CAMKMT: variants seen among roughly 807,000 people sequenced by gnomAD.
The protein encoded by CAMKMT is calmodulin-lysine N-methyltransferase, also known as CaM KMT.
A neutral mutation model predicts 48.0 loss-of-function variants in CAMKMT; 53 were observed. The ratio of observed to expected loss-of-function variants is 1.10; its 90% confidence interval spans 0.89 to 1.39. The LOEUF (loss-of-function observed/expected upper bound fraction) is 1.39. Among genes scored for constraint, CAMKMT ranks in the 40% most tolerant of loss-of-function variants. The probability of loss-of-function intolerance (pLI) is 0.00; values close to 1 mark genes in which losing one functional copy is unlikely to be tolerated. For synonymous variants in CAMKMT, 165 were observed against 152.3 expected (o/e 1.08, Z -0.61); for missense variants, 428 against 402.7 (o/e 1.06, Z -0.54).
At chr2:44,617,969 C>A (rs1054897642) in intron 3 of CAMKMT, among the ~76,000 whole-genome samples, 4 of 152,178 alleles carry the variant, frequency 2.6e-5, no homozygotes, top group Non-Finnish European at 5.9e-5. Context: ...CAGAAGCATA[C>A]AACTATCAAA....
At chr2:44,420,870 G>A (rs1280930598) in intron 3 of CAMKMT, among the ~76,000 whole-genome samples, 1 of 151,226 alleles carries the variant, frequency 6.6e-6, no homozygotes, top group Non-Finnish European at 1.5e-5. Flanking sequence ...AATTGTCTAA[G>A]GGATTAACTG....
At chr2:44,445,602 A>T (rs1666933452) in intron 3 of CAMKMT, among the ~76,000 whole-genome samples, 1 of 143,820 alleles carries the variant, frequency 7.0e-6, no homozygotes, top group Non-Finnish European at 1.5e-5. Context: ...TGGTTGGCTT[A>T]GGACTGGGCT....
intron 7 of CAMKMT, among the ~76,000 whole-genome samples, chr2:44,726,341 A>G (rs998963607): frequency 5.3e-5 from 8 of 152,168 alleles, no homozygotes; most frequent in Non-Finnish European, 7.3e-5. Context: ...GTGAGGTGCT[A>G]TCTCACTGTG....
chr2:44,703,906 A>C (rs566805306), intron 3 of CAMKMT, among the ~76,000 whole-genome samples: 103 of 152,204 alleles, frequency 6.8e-4, no homozygotes, highest in Middle Eastern at 6.8e-3. Flanking sequence ...TTTTTGCCTA[A>C]TATGGGCTGC....
At chr2:44,483,192 G>T (rs1237015579) in intron 3 of CAMKMT, among the ~76,000 whole-genome samples, 1 of 152,170 alleles carries the variant, frequency 6.6e-6, no homozygotes, top group Non-Finnish European at 1.5e-5. Context: ...CCCTCAGTCA[G>T]TGTGGGGAGA....
At chr2:44,756,422 C>G (rs1477779132) in intron 9 of CAMKMT, among the ~76,000 whole-genome samples, 1 of 152,068 alleles carries the variant, frequency 6.6e-6, no homozygotes, top group Non-Finnish European at 1.5e-5. Flanking sequence ...GGTTTTGTGG[C>G]CCAGAGGCTG....
At chr2:44,437,360 C>T (rs1371793215) in intron 3 of CAMKMT, among the ~76,000 whole-genome samples, 1 of 152,168 alleles carries the variant, frequency 6.6e-6, no homozygotes, top group Non-Finnish European at 1.5e-5. Flanking sequence ...CTGCTTCAAT[C>T]CCTTTGCTTA....
chr2:44,488,522 A>G (rs750910786), intron 3 of CAMKMT, among the ~76,000 whole-genome samples: 17 of 151,976 alleles, frequency 1.1e-4, no homozygotes, highest in Non-Finnish European at 2.4e-4. Flanking sequence ...AAATTTGAGT[A>G]TGTTATTAAT....
At chr2:44,446,744 A>G (rs557082564) in intron 3 of CAMKMT, among the ~76,000 whole-genome samples, 4 of 152,316 alleles carry the variant, frequency 2.6e-5, no homozygotes, top group African/African-American at 7.2e-5. Flanking sequence ...GTGCTGCCAC[A>G]GGGTTTGTGG....
At chr2:44,592,018 A>C (rs928332457) in intron 3 of CAMKMT, among the ~76,000 whole-genome samples, 2 of 149,484 alleles carry the variant, frequency 1.3e-5, no homozygotes, top group South Asian at 2.2e-4. Context: ...AGCAATGAGA[A>C]CACATGGACA....
intron 3 of CAMKMT, among the ~76,000 whole-genome samples, chr2:44,673,548 A>G (rs1450184311): frequency 1.3e-5 from 2 of 151,920 alleles, no homozygotes; most frequent in African/African-American, 4.8e-5. Context: ...CTATACACCC[A>G]AAAACCTAAA....
chr2:44,371,635 A>G (rs1410503713), intron 1 of CAMKMT, among the ~76,000 whole-genome samples: 1 of 152,210 alleles, frequency 6.6e-6, no homozygotes, highest in Non-Finnish European at 1.5e-5. Context: ...AGGTACTGAT[A>G]AGCTTCAACA....
At chr2:44,378,471 A>AGTTTGTTT (rs71393268) in intron 2 of CAMKMT, among the ~76,000 whole-genome samples, 8 of 150,758 alleles carry the variant, frequency 5.3e-5, no homozygotes, top group East Asian at 3.9e-4. Context: ...TCTAGAATTA[A>AGTTTGTTT]GTTTGTTTGT....
intron 2 of CAMKMT, among the ~76,000 whole-genome samples, chr2:44,387,879 G>T (rs546859774): frequency 3.9e-5 from 6 of 152,282 alleles, no homozygotes; most frequent in African/African-American, 1.4e-4. Flanking sequence ...CCGCATTGTA[G>T]GGTTTCTGCT....
chr2:44,656,720 T>C (rs1261949175), intron 3 of CAMKMT, among the ~76,000 whole-genome samples: 1 of 151,942 alleles, frequency 6.6e-6, no homozygotes, highest in South Asian at 2.1e-4. Flanking sequence ...CTTTTTTTTA[T>C]TGGTCACTAA....
intron 8 of CAMKMT, among the ~76,000 whole-genome samples, chr2:44,750,063 G>C (rs1680090364): frequency 6.6e-6 from 1 of 152,138 alleles, no homozygotes; most frequent in Non-Finnish European, 1.5e-5. Context: ...GAATGGAACA[G>C]TTTTCCATAT....
intron 3 of CAMKMT, among the ~76,000 whole-genome samples, chr2:44,473,452 G>C (rs1264689222): frequency 6.6e-6 from 1 of 152,122 alleles, no homozygotes; most frequent in Admixed American, 6.5e-5. Flanking sequence ...TTTAAAAACA[G>C]TGCTATGTTT....
intron 3 of CAMKMT, among the ~76,000 whole-genome samples, chr2:44,466,166 A>G (rs142615253): frequency 6.7e-4 from 102 of 152,336 alleles, no homozygotes; most frequent in African/African-American, 2.3e-3. Context: ...CAATAACATT[A>G]TAGTCCAATT....
At chr2:44,512,588 T>C (rs1483444402) in intron 3 of CAMKMT, among the ~76,000 whole-genome samples, 1 of 152,224 alleles carries the variant, frequency 6.6e-6, no homozygotes, top group African/African-American at 2.4e-5. Flanking sequence ...CCTACTTTTT[T>C]TGTGCTTTCT....
Sources: allele counts gnomAD v4.1 joint callset (sites outside exome capture counted in the v4.1 genomes callset), GRCh38; gene constraint gnomAD v4.1.1; transcripts MANE v1.5; gene names NCBI Gene and HGNC (gene_info 2026-07-23, HGNC 2026-07-21).